The following STXBP6 variants were observed in gnomAD, a reference collection of about 807,000 sequenced individuals.
STXBP6 encodes the protein syntaxin binding protein 6.
STXBP6 carries 21 observed loss-of-function variants against 26.9 expected under a neutral mutation model. That is an observed-to-expected ratio of 0.78 (90% CI 0.55 to 1.12). The LOEUF (loss-of-function observed/expected upper bound fraction) is 1.12. STXBP6 is among the 50% of genes most tolerant of loss of function. The probability of loss-of-function intolerance (pLI) is 0.00; values close to 1 mark genes in which losing one functional copy is unlikely to be tolerated. For missense variants in STXBP6, 232 were observed against 257.9 expected (o/e 0.90, Z 0.69); for synonymous variants, 97 against 92.6 (o/e 1.05, Z -0.27).
At position 24,862,074 on chromosome 14, in the gene STXBP6, T is replaced by C. The variant is rs180952334; in HGVS notation, c.155-4917A>G. Among the ~76,000 whole-genome samples the C allele has an allele frequency of 2.0e-4, 31 of 152,318 alleles. No individual in the cohort carries two copies. The East Asian group carries it at 5.8e-3, about 28-fold the overall frequency. On this transcript the variant is annotated intron_variant, in intron 2 of 5. Coordinates refer to ENST00000323944, the MANE Select transcript of STXBP6 (RefSeq NM_001394410.1). ...CGCAGCAGTTGCAGTCATGACTCAG[T>C]GCAGCCTCAATCTCCTGGGCTCAAG...
intron 4 of STXBP6, among the ~76,000 whole-genome samples, chr14:24,823,518 T>G (rs762498014): frequency 6.6e-6 from 1 of 152,142 alleles, no homozygotes; most frequent in Non-Finnish European, 1.5e-5. Flanking sequence ...CAGCAGCTAC[T>G]TCTATAAAAT....
At chr14:24,999,989 C>A (rs933282321) in intron 1 of STXBP6, among the ~76,000 whole-genome samples, 1 of 152,036 alleles carries the variant, frequency 6.6e-6, no homozygotes, top group African/African-American at 2.4e-5. Context: ...CGAGTTTTTC[C>A]GCTTATAATC....
In STXBP6 at chr14:24,999,951, T is replaced by C. The variant is rs114329850; in HGVS notation, c.-32-25101A>G. On this transcript the variant is annotated intron_variant, in intron 1 of 5. Coordinates refer to ENST00000323944, the MANE Select transcript of STXBP6 (RefSeq NM_001394410.1). ...AGCTATTTGGACAAAGATGCTAATA[T>C]GTTAGGTTGTTTTGGTTACAAATTA... Among the ~76,000 whole-genome samples, 1,104 of 152,326 alleles carry C rather than the reference T, an allele frequency of 7.2e-3. 10 individuals are homozygous for C. Among genetic ancestry groups the C allele is most frequent in the African/African-American group, 0.026 (1,061 of 41,580 alleles).
At chr14:24,910,166 C>A (rs1026166281) in intron 2 of STXBP6, among the ~76,000 whole-genome samples, 20 of 152,172 alleles carry the variant, frequency 1.3e-4, no homozygotes, top group Admixed American at 1.3e-3. Flanking sequence ...ATATCCACAG[C>A]TTGCCTCTCA....
At chr14:24,858,306 C>T (rs1163456006) in intron 2 of STXBP6, among the ~76,000 whole-genome samples, 1 of 152,014 alleles carries the variant, frequency 6.6e-6, no homozygotes, top group African/African-American at 2.4e-5. Context: ...GCCATTAAAG[C>T]AGGAGAGCAG....
chr14:24,899,117 G>C (rs2139614110), intron 2 of STXBP6, among the ~76,000 whole-genome samples: 1 of 152,258 alleles, frequency 6.6e-6, no homozygotes, highest in Non-Finnish European at 1.5e-5. Context: ...GCACTTTGAA[G>C]ATTTCAAGTA....
At chr14:25,023,007 AC>A (rs1336404968) in intron 1 of STXBP6, among the ~76,000 whole-genome samples, 1 of 152,188 alleles carries the variant, frequency 6.6e-6, no homozygotes, top group African/African-American at 2.4e-5. Flanking sequence ...CAGCCATAAA[AC>A]ATGGTCCTAA....
chr14:24,852,402 G>A (rs1349026700), intron 4 of STXBP6, among the ~76,000 whole-genome samples: 1 of 152,072 alleles, frequency 6.6e-6, no homozygotes, highest in Admixed American at 6.6e-5. Flanking sequence ...CCATTGTTAG[G>A]AATCTGTGCT....
intron 2 of STXBP6, among the ~76,000 whole-genome samples, chr14:24,964,647 CTGTGTGTGTGTG>C (rs34132743): frequency 2.9e-5 from 4 of 140,128 alleles, no homozygotes; most frequent in East Asian, 2.1e-4. Flanking sequence ...AGTTCTCATT[CTGTGTGTGTGTG>C]TGTGTGTGTG....
intron 2 of STXBP6, among the ~76,000 whole-genome samples, chr14:24,961,940 C>A (rs2073555101): frequency 6.6e-6 from 1 of 152,112 alleles, no homozygotes. Context: ...GTTTGGTTGA[C>A]ATTTACCACT....
chr14:24,935,320 G>A (rs1028179962), intron 2 of STXBP6, among the ~76,000 whole-genome samples: 2 of 152,060 alleles, frequency 1.3e-5, no homozygotes, highest in Non-Finnish European at 2.9e-5. Context: ...CAAATTTGAG[G>A]CAATGAAGGA....
intron 2 of STXBP6, among the ~76,000 whole-genome samples, chr14:24,958,836 A>G (rs899375595): frequency 6.6e-6 from 1 of 152,192 alleles, no homozygotes; most frequent in Non-Finnish European, 1.5e-5. Context: ...AATTCAAGGT[A>G]AAGACCATTA....
chr14:24,923,304 T>G (rs193134812), intron 2 of STXBP6, among the ~76,000 whole-genome samples: 17 of 152,300 alleles, frequency 1.1e-4, no homozygotes, highest in Admixed American at 7.8e-4. Flanking sequence ...GGTTTATTCA[T>G]GTTGATCAAT....
chr14:24,973,375 CTTCCTTT>C (rs1473461242), intron 2 of STXBP6, among the ~76,000 whole-genome samples: 6,547 of 134,200 alleles, frequency 0.049, 198 homozygotes, highest in African/African-American at 0.074. Flanking sequence ...TAAAAGCTTT[CTTCCTTT>C]TTTTTTTTTT....
intron 1 of STXBP6, among the ~76,000 whole-genome samples, chr14:25,018,560 T>G (rs929652460): frequency 6.6e-6 from 1 of 152,148 alleles, no homozygotes; most frequent in African/African-American, 2.4e-5. Flanking sequence ...TTTCTCCCCA[T>G]CTTTCCACAC....
intron 2 of STXBP6, among the ~76,000 whole-genome samples, chr14:24,921,534 C>A (rs190594902): frequency 6.6e-6 from 1 of 152,188 alleles, no homozygotes; most frequent in East Asian, 1.9e-4. Flanking sequence ...TGTTTAAATA[C>A]AACTTTACTA....
At chr14:25,044,379 C>G (rs528611744) in intron 1 of STXBP6, among the ~76,000 whole-genome samples, 12 of 152,142 alleles carry the variant, frequency 7.9e-5, no homozygotes, top group African/African-American at 2.7e-4. Flanking sequence ...TAGGAAGCTT[C>G]CAATTTCTCC....
intron 1 of STXBP6, among the ~76,000 whole-genome samples, chr14:24,999,364 T>C (rs761633087): frequency 6.6e-6 from 1 of 152,042 alleles, no homozygotes; most frequent in African/African-American, 2.4e-5. Context: ...CCAGAAACCA[T>C]GCAAGTAAGA....
At position 24,915,111 on chromosome 14, in the gene STXBP6, A is replaced by G. The variant is rs372273289; in HGVS notation, c.155-57954T>C. Among the ~76,000 whole-genome samples, 3 of 152,294 alleles carry G rather than the reference A, an allele frequency of 2.0e-5. 1 individual carries two copies. In the East Asian group the frequency reaches 5.8e-4, roughly 29 times the overall value. On this transcript the variant is annotated intron_variant, in intron 2 of 5. Transcript: ENST00000323944. Reference sequence around the variant, plus strand: ...TAACAAAAATACACAATTGCATTTCATGTCATTACTGTCTACACAGGTCAG... The same window carrying G: ...TAACAAAAATACACAATTGCATTTCGTGTCATTACTGTCTACACAGGTCAG...
Sources: allele counts gnomAD v4.1 joint callset (sites outside exome capture counted in the v4.1 genomes callset), GRCh38; gene constraint gnomAD v4.1.1; transcripts MANE v1.5; gene names NCBI Gene and HGNC (gene_info 2026-07-23, HGNC 2026-07-21).